Variants in LRRN2 observed in about 807,000 individuals in gnomAD.
LRRN2 encodes leucine rich repeat neuronal 2, also known as leucine-rich repeat neuronal protein 2.
A neutral mutation model predicts 35.7 loss-of-function variants in LRRN2; 10 were observed. That is an observed-to-expected ratio of 0.28 (90% confidence interval 0.17 to 0.47). The LOEUF (loss-of-function observed/expected upper bound fraction) is 0.47. LRRN2 is among the 20% of genes least tolerant of loss of function. LRRN2 has a pLI of 0.99. For missense variants in LRRN2, 731 were observed against 940.3 expected (o/e 0.78, Z 2.91); for synonymous variants, 391 against 409.6 (o/e 0.95, Z 0.55).
At chr1:204,631,265 T>G (rs1310064506) in intron 1 of LRRN2, among the ~76,000 whole-genome samples, 1 of 39,118 alleles carries the variant, frequency 2.6e-5, no homozygotes. Flanking sequence ...TCTATATATA[T>G]ATATATATAT....
At chr1:204,630,308 G>A (rs1403406307) in intron 1 of LRRN2, among the ~76,000 whole-genome samples, 3 of 151,902 alleles carry the variant, frequency 2.0e-5, no homozygotes, top group Non-Finnish European at 4.4e-5. Flanking sequence ...GGGAAGGGTC[G>A]GGTGGGGGTG....
At chr1:204,645,473 AAG>A (rs1292412347) in intron 1 of LRRN2, among the ~76,000 whole-genome samples, 1 of 152,146 alleles carries the variant, frequency 6.6e-6, no homozygotes, top group East Asian at 1.9e-4. Context: ...ACATGGGTAA[AAG>A]AATGATTTCA....
intron 1 of LRRN2, among the ~76,000 whole-genome samples, chr1:204,655,972 C>T (rs915057615): frequency 2.0e-5 from 3 of 152,128 alleles, no homozygotes; most frequent in South Asian, 2.1e-4. Context: ...TGCAGTGGCG[C>T]GATCTCGGCT....
Position 204,685,368 on chromosome 1 carries a change from C to T in LRRN2, c.-275G>A, listed in dbSNP as rs1669048921. ...GCCGTCTGCTGCCCGCGCGGCCGCG[C>T]TCCGCTCGCCTTCCGCCCGGGGCCG... On this transcript the variant is annotated 5_prime_UTR_variant, in exon 1 of 2. Transcript: ENST00000367177. 1 of 151,660 alleles carries T rather than the reference C, an allele frequency of 6.6e-6. No homozygotes were observed. The highest frequency in any genetic ancestry group is 6.6e-5 in the Admixed American group (1 of 15,194). The allele number at this position is 151,660 out of a possible 1,614,324, so 9.4% of individuals were successfully genotyped here.
intron 1 of LRRN2, among the ~76,000 whole-genome samples, chr1:204,647,959 C>G (rs1668145951): frequency 1.3e-5 from 2 of 152,190 alleles, no homozygotes; most frequent in South Asian, 4.1e-4. Flanking sequence ...ATTAACTTCA[C>G]CTGTTTCTTT....
rs954144363 is a variant in LRRN2 at position 204,638,262 on chromosome 1, C to T, written c.-226-18044G>A. Among the ~76,000 whole-genome samples, 6 of 152,256 alleles carry T rather than the reference C, an allele frequency of 3.9e-5. No homozygotes were observed. In the South Asian group the frequency reaches 1.2e-3, roughly 32 times the overall value. Reference sequence around the variant, plus strand: ...GGCCTCCGACCTGCTTTAGTGTTCACAACAGGACTCGGCTCTGTGATTTTG... The same window carrying T: ...GGCCTCCGACCTGCTTTAGTGTTCATAACAGGACTCGGCTCTGTGATTTTG... On this transcript the variant is annotated intron_variant, in intron 1 of 1. Coordinates refer to ENST00000367177, the MANE Select transcript of LRRN2 (RefSeq NM_201630.2).
chr1:204,681,958 C>T (rs1005638221), intron 1 of LRRN2, among the ~76,000 whole-genome samples: 1 of 152,086 alleles, frequency 6.6e-6, no homozygotes, highest in African/African-American at 2.4e-5. Context: ...CTCTTCTGTT[C>T]CTTGGTCACT....
intron 1 of LRRN2, among the ~76,000 whole-genome samples, chr1:204,666,962 CAAAA>C (rs34503593): frequency 1.7e-4 from 11 of 64,814 alleles, no homozygotes; most frequent in Non-Finnish European, 2.4e-4. Context: ...ACTCTGTCTC[CAAAA>C]AAAAAAAAAA....
chr1:204,624,004 C>T (rs1667121131), intron 1 of LRRN2, among the ~76,000 whole-genome samples: 2 of 152,214 alleles, frequency 1.3e-5, no homozygotes, highest in Admixed American at 6.5e-5. Context: ...AGCTTCTATG[C>T]AGTGGGGTCA....
chr1:204,633,765 C>T (rs1667766076), intron 1 of LRRN2, among the ~76,000 whole-genome samples: 1 of 152,256 alleles, frequency 6.6e-6, no homozygotes, highest in Non-Finnish European at 1.5e-5. Flanking sequence ...CCCAGCTCTC[C>T]TTCCACTTCC....
intron 1 of LRRN2, among the ~76,000 whole-genome samples, chr1:204,635,127 G>A (rs1471787044): frequency 6.6e-6 from 1 of 152,198 alleles, no homozygotes; most frequent in Non-Finnish European, 1.5e-5. Context: ...GATCACAGGT[G>A]TGAGTTCACT....
chr1:204,637,857 G>A (rs1667874444), intron 1 of LRRN2, among the ~76,000 whole-genome samples: 1 of 152,192 alleles, frequency 6.6e-6, no homozygotes, highest in Non-Finnish European at 1.5e-5. Flanking sequence ...CCATCGCAAA[G>A]CAGCATTAGG....
At chr1:204,659,354 G>A (rs550069181) in intron 1 of LRRN2, among the ~76,000 whole-genome samples, 6 of 152,328 alleles carry the variant, frequency 3.9e-5, no homozygotes, top group Non-Finnish European at 5.9e-5. Context: ...AGTCCCTGGA[G>A]ACAGGGCCAC....
At chr1:204,641,680 A>T (rs1323333366) in intron 1 of LRRN2, among the ~76,000 whole-genome samples, 2 of 152,254 alleles carry the variant, frequency 1.3e-5, no homozygotes, top group Non-Finnish European at 2.9e-5. Context: ...ACATGTATTA[A>T]CAAAAGCCAC....
intron 1 of LRRN2, among the ~76,000 whole-genome samples, chr1:204,659,121 C>T (rs1320518770): frequency 6.6e-6 from 1 of 152,206 alleles, no homozygotes; most frequent in Non-Finnish European, 1.5e-5. Context: ...TAGCCATCCT[C>T]ATTACATTTC....
chr1:204,644,258 C>T (rs1023039402), intron 1 of LRRN2, among the ~76,000 whole-genome samples: 1 of 152,212 alleles, frequency 6.6e-6, no homozygotes, highest in Admixed American at 6.5e-5. Context: ...CTCCATGAAG[C>T]TCTCCTTACA....
chr1:204,618,144 C>G lies in LRRN2; in HGVS notation c.1849G>C (p.Glu617Gln). The stretch of plus-strand genomic sequence containing the variant: ...AAGGCTCTGTGGCAAGAAGTGGCCT[C>G]TTTGGTCCTGGCCCATACACAAGCC... The part of the protein sequence containing the change: ...QLACVWARTK[E>Q]ATSCHRALGD... Residue 617 changes from glutamate to glutamine, a missense_variant, in exon 2 of 2, where the codon GAG (glutamate) becomes CAG (glutamine). Physicochemically the swap from Glu to Gln is conservative, Grantham distance 29. Transcript: ENST00000367177. 3.1e-6 allele frequency: 5 copies of G among 1,614,140 alleles called. No individual in the cohort carries two copies.
chr1:204,675,387 T>G (rs1439676210), intron 1 of LRRN2, among the ~76,000 whole-genome samples: 1 of 152,226 alleles, frequency 6.6e-6, no homozygotes, highest in Non-Finnish European at 1.5e-5. Flanking sequence ...TCTCCCCGGC[T>G]TCAAGCTAGG....
At chr1:204,654,033 C>CA (rs56179230) in intron 1 of LRRN2, among the ~76,000 whole-genome samples, 7,054 of 84,140 alleles carry the variant, frequency 0.084, 345 homozygotes, top group Non-Finnish European at 0.12. Flanking sequence ...GAGACCCTGA[C>CA]AAAAAAAAAA....
Sources: allele counts gnomAD v4.1 joint callset (sites outside exome capture counted in the v4.1 genomes callset), GRCh38; gene constraint gnomAD v4.1.1; transcripts MANE v1.5; gene names NCBI Gene and HGNC (gene_info 2026-07-23, HGNC 2026-07-21).